The following PLCH1 variants were observed in gnomAD, a reference collection of about 807,000 sequenced individuals.
PLCH1 encodes the protein 1-phosphatidylinositol 4,5-bisphosphate phosphodiesterase eta-1.
PLCH1 carries 60 observed loss-of-function variants against 126.7 expected under a neutral mutation model. The observed-to-expected ratio is 0.47, with a 90% CI of 0.38 to 0.59. The LOEUF is 0.59. Among genes scored for constraint, PLCH1 ranks in the 20% least tolerant of loss-of-function variants. PLCH1 has a pLI of 0.00. For missense variants in PLCH1, 1,723 were observed against 2,040.0 expected (o/e 0.84, Z 2.99); for synonymous variants, 719 against 734.9 (o/e 0.98, Z 0.35).
intron 12 of PLCH1, among the ~76,000 whole-genome samples, chr3:155,511,013 C>G (rs1432478844): frequency 8.1e-6 from 1 of 123,850 alleles, no homozygotes; most frequent in Non-Finnish European, 1.6e-5. Flanking sequence ...TAGATTTGGT[C>G]TTTTCACATA....
chr3:155,637,097 A>G (rs1738814640), intron 2 of PLCH1, among the ~76,000 whole-genome samples: 1 of 152,304 alleles, frequency 6.6e-6, no homozygotes, highest in South Asian at 2.1e-4. Context: ...TTTTGTGTAA[A>G]TTATATACTT....
chr3:155,592,492 C>CACTCCA (rs57026530), intron 4 of PLCH1, among the ~76,000 whole-genome samples: 3 of 109,900 alleles, frequency 2.7e-5, no homozygotes, highest in Admixed American at 9.2e-5. Flanking sequence ...AAGACTCCAT[C>CACTCCA]TCCAAAAAAA....
At chr3:155,566,182 CACAT>C (rs869161445) in intron 7 of PLCH1, among the ~76,000 whole-genome samples, 6,792 of 68,958 alleles carry the variant, frequency 0.098, 1,648 homozygotes, top group Non-Finnish European at 0.15. Context: ...CACATATATA[CACAT>C]ATATATACAC....
intron 2 of PLCH1, among the ~76,000 whole-genome samples, chr3:155,624,595 A>T (rs1331681215): frequency 1.6e-5 from 2 of 122,480 alleles, no homozygotes; most frequent in Non-Finnish European, 3.1e-5. Flanking sequence ...AAGCATTCCT[A>T]TACACGAATA....
At chr3:155,528,572 T>C (rs999510012) in intron 10 of PLCH1, among the ~76,000 whole-genome samples, 2 of 152,206 alleles carry the variant, frequency 1.3e-5, no homozygotes, top group African/African-American at 4.8e-5. Context: ...AATGTAGTGA[T>C]AGCAATTCCC....
rs369953273 is a variant in PLCH1, at chr3:155,547,304, A to G, written c.1362+2483T>C. On this transcript the variant is annotated intron_variant, in intron 10 of 22. Coordinates refer to ENST00000460012, the MANE Select transcript of PLCH1 (RefSeq NM_014996.4). ...ACATGAAAAAATGCTCACCATCACT[A>G]GCCATCAGAGAAATGCAAATCAAAA... 1.6e-3 allele frequency among the ~76,000 whole-genome samples: 247 copies of G among 151,800 alleles called. 2 individuals are homozygous for G. The highest frequency in any genetic ancestry group is 3.1e-3 in the Admixed American group (47 of 15,226).
chr3:155,469,670 G>A (rs1560031895), intron 21 of PLCH1, among the ~76,000 whole-genome samples: 2 of 151,922 alleles, frequency 1.3e-5, no homozygotes, highest in Non-Finnish European at 2.9e-5. Flanking sequence ...AGACTTAAAT[G>A]TCCCTGTCTG....
intron 4 of PLCH1, among the ~76,000 whole-genome samples, chr3:155,586,580 G>A (rs760995342): frequency 9.2e-5 from 14 of 152,166 alleles, no homozygotes; most frequent in East Asian, 5.8e-4. Context: ...GGTGGCAGGC[G>A]CCTGTAATCC....
intron 12 of PLCH1, among the ~76,000 whole-genome samples, chr3:155,509,057 T>A (rs1032029484): frequency 3.6e-5 from 5 of 138,866 alleles, no homozygotes; most frequent in Non-Finnish European, 6.1e-5. Context: ...ATTCAGAGAT[T>A]CAACTTCTTC....
rs1728113066 is a variant in PLCH1 at position 155,564,845 on chromosome 3, C to T, written c.1069+70G>A. 1.2e-5 allele frequency: 11 copies of T among 948,792 alleles called. No homozygotes were observed. The East Asian group carries it at 1.9e-4, about 17-fold the overall frequency. The allele number at this position is 948,792 out of a possible 1,614,324, so 58.8% of individuals were successfully genotyped here. A position where few individuals can be genotyped will look rare whatever the true frequency, so the allele number is the denominator to read the frequency against. On this transcript the variant is annotated intron_variant, in intron 8 of 22. Transcript: ENST00000460012. ...GTGTTTTAGGTCTCCATTCTTTATA[C>T]TAGACTCGACAGACTGATTAAAGGA...
chr3:155,727,971 C>T (rs1430177177), intron 1 of PLCH1, among the ~76,000 whole-genome samples: 1 of 151,980 alleles, frequency 6.6e-6, no homozygotes, highest in Non-Finnish European at 1.5e-5. Context: ...CCAAAAGGCC[C>T]CTTCTCAGAT....
intron 15 of PLCH1, 121 bp from the exon 16 acceptor site, chr3:155,494,638 G>A (rs1298780714): frequency 1.2e-5 from 9 of 738,162 alleles, no homozygotes; most frequent in Non-Finnish European, 1.8e-5. Flanking sequence ...ACTAGAGAGT[G>A]GATTCAACCA....
At chr3:155,710,272 G>A (rs1435049417) in intron 1 of PLCH1, among the ~76,000 whole-genome samples, 1 of 152,132 alleles carries the variant, frequency 6.6e-6, no homozygotes. Context: ...TTATAGACAT[G>A]AAGCACTGCA....
At chr3:155,559,762 T>A (rs116384633) in intron 8 of PLCH1, among the ~76,000 whole-genome samples, 2,641 of 152,210 alleles carry the variant, frequency 0.017, 87 homozygotes, top group African/African-American at 0.061. Context: ...CAGAGCCAAG[T>A]AGCTTCTTTA....
chr3:155,690,353 A>G (rs1398262999), intron 2 of PLCH1, among the ~76,000 whole-genome samples: 1 of 152,234 alleles, frequency 6.6e-6, no homozygotes, highest in African/African-American at 2.4e-5. Flanking sequence ...AAGGAAGAGG[A>G]TGCACAAATG....
intron 10 of PLCH1, among the ~76,000 whole-genome samples, chr3:155,529,508 T>G (rs1286396538): frequency 2.0e-5 from 3 of 152,206 alleles, no homozygotes; most frequent in Non-Finnish European, 4.4e-5. Flanking sequence ...ACGGATTTTT[T>G]GGTCTCCCAG....
intron 2 of PLCH1, among the ~76,000 whole-genome samples, chr3:155,676,799 A>C (rs959643246): frequency 2.0e-5 from 3 of 152,094 alleles, no homozygotes; most frequent in African/African-American, 7.2e-5. Flanking sequence ...ATGAGGTTAC[A>C]GTTTGAAAAC....
Position 155,497,503 on chromosome 3 carries a change from CA to C in PLCH1, c.1797-87del, listed in dbSNP as rs1717226037. Reference sequence around the variant, plus strand: ...GTTATCCCACTTTCCTTATTTAAGACAATGATTTAATAGGGAATACCTGCCC... The same window carrying C: ...GTTATCCCACTTTCCTTATTTAAGACATGATTTAATAGGGAATACCTGCCC... On this transcript the variant is annotated intron_variant, in intron 14 of 22. Transcript: ENST00000460012. The C allele has an allele frequency of 4.2e-6, 4 of 945,086 alleles. 1 individual carries two copies. In the African/African-American group the frequency reaches 6.5e-5, roughly 15 times the overall value. 58.5% of individuals were successfully genotyped at this position (945,086 alleles called of 1,614,324 possible).
At chr3:155,669,931 A>G (rs759674852) in intron 2 of PLCH1, among the ~76,000 whole-genome samples, 1 of 152,108 alleles carries the variant, frequency 6.6e-6, no homozygotes, top group Non-Finnish European at 1.5e-5. Context: ...CAATGGCGTA[A>G]CTCCTTTCTG....
Sources: gnomAD v4.1 joint callset for allele counts (sites outside exome capture counted in the v4.1 genomes callset) on GRCh38, gnomAD v4.1.1 for gene constraint, MANE v1.5 for transcripts, NCBI Gene and HGNC (gene_info 2026-07-23, HGNC 2026-07-21) for gene names.